Variants in PDZD2 observed in about 807,000 individuals in gnomAD.
PDZD2 encodes the protein PDZ domain containing 2.
A neutral mutation model predicts 220.7 loss-of-function variants in PDZD2; 90 were observed. The ratio of observed to expected loss-of-function variants is 0.41; its 90% CI spans 0.34 to 0.49. PDZD2 has a LOEUF of 0.49. Among genes scored for constraint, PDZD2 ranks in the 20% least tolerant of loss-of-function variants. PDZD2 has a pLI of 0.28. For missense variants in PDZD2, 3,174 were observed against 3,608.5 expected, an observed-to-expected ratio of 0.88 and a Z score of 3.08; for synonymous variants, 1,375 against 1,450.5, an observed-to-expected ratio of 0.95 and a Z score of 1.18.
chr5:31,970,029 G>A (rs1561222561), intron 2 of PDZD2, among the ~76,000 whole-genome samples: 5 of 151,944 alleles, frequency 3.3e-5, no homozygotes, highest in Non-Finnish European at 5.9e-5. Flanking sequence ...CTCCCGAGTA[G>A]CTGGGATTAT....
At chr5:31,789,206 G>A (rs939103864) in intron 1 of PDZD2, among the ~76,000 whole-genome samples, 1 of 152,096 alleles carries the variant, frequency 6.6e-6, no homozygotes, top group African/African-American at 2.4e-5. Context: ...CAAGAAAAAG[G>A]AAAAAGAGAC....
chr5:32,077,419 C>A (rs374233083), intron 18 of PDZD2, 43 bp from the exon 19 acceptor site: 2 of 1,607,660 alleles, frequency 1.2e-6, no homozygotes, highest in African/African-American at 1.3e-5. Context: ...GTGCAGAAAG[C>A]CTGAAAGTTA....
intron 2 of PDZD2, among the ~76,000 whole-genome samples, chr5:31,808,018 A>G (rs957369516): frequency 2.0e-5 from 3 of 152,156 alleles, no homozygotes; most frequent in Non-Finnish European, 4.4e-5. Flanking sequence ...CAGATTTTAA[A>G]CAGTGTCAAG....
At chr5:31,733,213 G>A (rs1171287534) in intron 1 of PDZD2, among the ~76,000 whole-genome samples, 1 of 152,186 alleles carries the variant, frequency 6.6e-6, no homozygotes. Context: ...AGGGAGTACA[G>A]GGGCTGCCCT....
chr5:31,957,775 C>T (rs1165756372), intron 2 of PDZD2, among the ~76,000 whole-genome samples: 1 of 152,162 alleles, frequency 6.6e-6, no homozygotes, highest in Non-Finnish European at 1.5e-5. Context: ...CTGTGTTCTC[C>T]TCAAGATGAC....
At position 32,062,575 on chromosome 5, in the gene PDZD2, G is replaced by A. The variant is rs555909296; in HGVS notation, c.2451+1441G>A. Among the ~76,000 whole-genome samples the A allele has an allele frequency of 9.9e-5, 15 of 151,950 alleles. No homozygotes were observed. The South Asian group carries it at 3.1e-3, about 32-fold the overall frequency. ...CACCTGGCTAATTTTTACATTTTTGGTAGAGATGGGGTTTCACCATGTTGC... is the reference window on the plus strand; with the variant it reads ...CACCTGGCTAATTTTTACATTTTTGATAGAGATGGGGTTTCACCATGTTGC... On this transcript the variant is annotated intron_variant, in intron 14 of 24. Transcript: ENST00000438447.
chr5:31,779,475 G>A (rs958495838), intron 1 of PDZD2, among the ~76,000 whole-genome samples: 30 of 133,964 alleles, frequency 2.2e-4, no homozygotes, highest in Middle Eastern at 4.5e-3. Context: ...CCCGGATCAC[G>A]CCATTCTCCT....
rs1051401889 is a variant in PDZD2 at position 32,000,572 on chromosome 5, G to A, written c.1254+301G>A. Among the ~76,000 whole-genome samples, 9 of 152,076 alleles carry A rather than the reference G, an allele frequency of 5.9e-5. No individual in the cohort carries two copies. The highest frequency in any genetic ancestry group is 1.9e-4 in the East Asian group (1 of 5,170). On this transcript the variant is annotated intron_variant, in intron 5 of 24. Coordinates refer to ENST00000438447, the MANE Select transcript of PDZD2 (RefSeq NM_178140.4). This position sits in a 1 kb window ranked among gnomAD's most constrained non-coding sequence, Gnocchi z 4.5. Reference sequence around the variant, plus strand: ...GTTGCCTAGTCTGGAGTGCAATGGCGCAATCTCGGCTCACCGCAACCTCCA... The same window carrying A: ...GTTGCCTAGTCTGGAGTGCAATGGCACAATCTCGGCTCACCGCAACCTCCA...
chr5:32,036,550 C>G (rs1755574069), intron 6 of PDZD2, among the ~76,000 whole-genome samples: 1 of 152,030 alleles, frequency 6.6e-6, no homozygotes, highest in Admixed American at 6.6e-5. Context: ...CCCAGTGAGC[C>G]TTGGGATCAG....
intron 1 of PDZD2, among the ~76,000 whole-genome samples, chr5:31,777,518 T>G (rs1752761267): frequency 1.3e-5 from 2 of 152,220 alleles, no homozygotes; most frequent in South Asian, 4.1e-4. Context: ...GGCATGGGAC[T>G]GGCGGGCAGC....
chr5:31,813,537 G>A (rs950208988), intron 2 of PDZD2, among the ~76,000 whole-genome samples: 2 of 150,456 alleles, frequency 1.3e-5, no homozygotes, highest in Admixed American at 1.3e-4. Flanking sequence ...TTAAAATTAC[G>A]TATTACTAAA....
At chr5:31,910,513 C>T (rs545892653) in intron 2 of PDZD2, among the ~76,000 whole-genome samples, 23 of 151,424 alleles carry the variant, frequency 1.5e-4, no homozygotes, top group African/African-American at 5.6e-4. Flanking sequence ...GCCTCAGCCT[C>T]CTGAGTAACT....
At chr5:31,701,984 G>A (rs529878901) in intron 1 of PDZD2, among the ~76,000 whole-genome samples, 2 of 152,352 alleles carry the variant, frequency 1.3e-5, no homozygotes, top group Admixed American at 1.3e-4. Flanking sequence ...GATAATCTGT[G>A]TGCATGGAAC....
At chr5:31,666,981 A>G (rs964503630) in intron 1 of PDZD2, among the ~76,000 whole-genome samples, 10 of 152,096 alleles carry the variant, frequency 6.6e-5, no homozygotes. Context: ...TCACGCCTGT[A>G]ATCCCAGCAC....
chr5:32,018,614 A>G (rs983981227), intron 6 of PDZD2, among the ~76,000 whole-genome samples: 5 of 152,178 alleles, frequency 3.3e-5, no homozygotes, highest in South Asian at 2.1e-4. Context: ...CTCGGCACCA[A>G]CCCGCAGCAG....
intron 2 of PDZD2, among the ~76,000 whole-genome samples, chr5:31,969,742 A>G (rs1303974034): frequency 6.6e-6 from 1 of 152,042 alleles, no homozygotes; most frequent in Non-Finnish European, 1.5e-5. Context: ...TACCTTTGAA[A>G]CAGATGAATT....
At chr5:31,692,309 G>A (rs1266372262) in intron 1 of PDZD2, among the ~76,000 whole-genome samples, 1 of 152,204 alleles carries the variant, frequency 6.6e-6, no homozygotes, top group Non-Finnish European at 1.5e-5. Context: ...TGGCCCGCAA[G>A]CACCGGGCGC....
chr5:31,829,440 G>A (rs567225502), intron 2 of PDZD2, among the ~76,000 whole-genome samples: 27 of 151,322 alleles, frequency 1.8e-4, no homozygotes, highest in African/African-American at 6.5e-4. Context: ...CTATTCTCCT[G>A]TCTCAGCAGA....
At chr5:32,080,126 A>G (rs1443954798) in intron 19 of PDZD2, among the ~76,000 whole-genome samples, 1 of 152,156 alleles carries the variant, frequency 6.6e-6, no homozygotes, top group Non-Finnish European at 1.5e-5. Context: ...AGACGGACGG[A>G]TCACAAGGTC....
Sources: allele counts gnomAD v4.1 joint callset (sites outside exome capture counted in the v4.1 genomes callset), GRCh38; gene constraint gnomAD v4.1.1; non-coding constraint Gnocchi (gnomAD v3.1); transcripts MANE v1.5; gene names NCBI Gene and HGNC (gene_info 2026-07-23, HGNC 2026-07-21).